Variants in PLCG2 observed in about 807,000 individuals in gnomAD.
PLCG2 encodes 1-phosphatidylinositol 4,5-bisphosphate phosphodiesterase gamma-2.
In PLCG2, 69 loss-of-function variants were observed where a neutral mutation model predicts 175.6. The observed-to-expected ratio is 0.39, with a 90% CI of 0.32 to 0.48. The LOEUF is 0.48. PLCG2 is among the 20% of genes least tolerant of loss of function. PLCG2 has a pLI of 0.91. For synonymous variants in PLCG2, 827 were observed against 624.0 expected (o/e 1.33, Z -4.85); for missense variants, 1,798 against 1,650.9 (o/e 1.09, Z -1.54).
intron 2 of PLCG2, among the ~76,000 whole-genome samples, chr16:81,827,096 T>G (rs1905078342): frequency 6.6e-6 from 1 of 152,182 alleles, no homozygotes; most frequent in African/African-American, 2.4e-5. Flanking sequence ...ATGTCCTTGT[T>G]GACCTTGCGC....
chr16:81,846,899 T>TC (rs894383202), intron 2 of PLCG2, among the ~76,000 whole-genome samples: 5 of 152,148 alleles, frequency 3.3e-5, no homozygotes, highest in Non-Finnish European at 7.3e-5. Context: ...TGTATGGTTT[T>TC]CCCCCCACGC....
intron 2 of PLCG2, among the ~76,000 whole-genome samples, chr16:81,786,469 C>G (rs1193128553): frequency 1.3e-5 from 2 of 152,200 alleles, no homozygotes; most frequent in African/African-American, 2.4e-5. Context: ...TGTGCCCTGT[C>G]TGACAGCATC....
At chr16:81,752,045 T>A (rs1909822748) in intron 1 of PLCG2, among the ~76,000 whole-genome samples, 1 of 150,988 alleles carries the variant, frequency 6.6e-6, no homozygotes, top group Non-Finnish European at 1.5e-5. Flanking sequence ...AAAAAAAATA[T>A]AATATATGTA....
At chr16:81,947,829 G>A (rs908090082) in intron 31 of PLCG2, among the ~76,000 whole-genome samples, 1 of 152,184 alleles carries the variant, frequency 6.6e-6, no homozygotes, top group Admixed American at 6.5e-5. Flanking sequence ...TAAGATGTAA[G>A]AAAGGTGGGG....
Position 81,816,651 on chromosome 16 carries a change from A to ACTTTTTTTTTTTTTTTTTTTTTTTTT in PLCG2, c.193+30469_193+30470insCTTTTTTTTTTTTTTTTTTTTTTTTT, listed in dbSNP as rs1555509092. ...GCACCACCATGCCCAGCTAATTTTA[A>ACTTTTTTTTTTTTTTTTTTTTTTTTT]TTTTTTTTTTTTTTTTTTTTTTTTT... On this transcript the variant is annotated intron_variant, in intron 2 of 32. Transcript: ENST00000564138. 1.8e-5 allele frequency among the ~76,000 whole-genome samples: 2 copies of ACTTTTTTTTTTTTTTTTTTTTTTTTT among 108,858 alleles called. 1 individual carries two copies. 71.4% of individuals were successfully genotyped at this position (108,858 alleles called of 152,430 possible).
chr16:81,796,731 G>C (rs79369548), intron 2 of PLCG2, among the ~76,000 whole-genome samples: 2 of 152,214 alleles, frequency 1.3e-5, no homozygotes, highest in Non-Finnish European at 2.9e-5. Context: ...TGTGAAGACA[G>C]ATACAGAAAT....
intron 2 of PLCG2, among the ~76,000 whole-genome samples, chr16:81,832,056 C>T (rs1156282663): frequency 6.6e-6 from 1 of 151,998 alleles, no homozygotes; most frequent in South Asian, 2.1e-4. Flanking sequence ...CAGTTACCAG[C>T]AGTGGGCTTT....
chr16:81,745,262 T>C (rs1909681722), intron 1 of PLCG2, among the ~76,000 whole-genome samples: 1 of 152,164 alleles, frequency 6.6e-6, no homozygotes, highest in African/African-American at 2.4e-5. Flanking sequence ...GCATATGACC[T>C]AGTGCTGACC....
chr16:81,836,886 C>T (rs1905545420), intron 2 of PLCG2, among the ~76,000 whole-genome samples: 2 of 152,222 alleles, frequency 1.3e-5, no homozygotes, highest in Admixed American at 1.3e-4. Context: ...CATGAGTGCA[C>T]AGGTGTCAGG....
At chr16:81,848,714 C>T (rs1906250169) in intron 2 of PLCG2, among the ~76,000 whole-genome samples, 1 of 152,174 alleles carries the variant, frequency 6.6e-6, no homozygotes. Flanking sequence ...TTATTGGGCC[C>T]CGCTGTGTGC....
At chr16:81,818,553 C>T (rs1904653172) in intron 2 of PLCG2, among the ~76,000 whole-genome samples, 1 of 152,112 alleles carries the variant, frequency 6.6e-6, no homozygotes, top group African/African-American at 2.4e-5. Flanking sequence ...GCTCCGAAGG[C>T]CTGAGCTTCA....
At chr16:81,773,858 T>C (rs963087983) in intron 2 of PLCG2, among the ~76,000 whole-genome samples, 1 of 152,124 alleles carries the variant, frequency 6.6e-6, no homozygotes, top group African/African-American at 2.4e-5. Context: ...CAGCTCTGTC[T>C]CACTCCAAAG....
chr16:81,868,960 C>T (rs569664716), intron 5 of PLCG2, among the ~76,000 whole-genome samples: 1 of 152,220 alleles, frequency 6.6e-6, no homozygotes, highest in African/African-American at 2.4e-5. Context: ...GAGACCAGCC[C>T]TCCTTATTGG....
At chr16:81,934,800 A>C (rs1384816541) in intron 26 of PLCG2, among the ~76,000 whole-genome samples, 2 of 150,792 alleles carry the variant, frequency 1.3e-5, no homozygotes, top group African/African-American at 4.9e-5. Context: ...TCACAGTTCC[A>C]CGTGGAGGAG....
upstream of PLCG2, among the ~76,000 whole-genome samples, chr16:81,774,588 A>T (rs1454787900): frequency 6.6e-6 from 1 of 151,606 alleles, no homozygotes; most frequent in African/African-American, 2.4e-5. Flanking sequence ...CAAGGGCTCC[A>T]GGGGGTTTTC....
chr16:81,893,680 C>T (rs770807420), intron 11 of PLCG2, 29 bp from the exon 12 acceptor site: 84 of 1,487,076 alleles, frequency 5.6e-5, no homozygotes, highest in East Asian at 5.4e-4. Flanking sequence ...CTGCCACTCT[C>T]ACACGGCCAC....
rs77428584 is a variant in PLCG2, at chr16:81,828,685, G to A, written c.194-25759G>A. The stretch of plus-strand genomic sequence containing the variant: ...CAACCTTAAGCAAGTTATAAAAGTC[G>A]TCTGAGACTCAGTTTCCTCATATAG... On this transcript the variant is annotated intron_variant, in intron 2 of 32. Coordinates refer to ENST00000564138, the MANE Select transcript of PLCG2 (RefSeq NM_002661.5). Among the ~76,000 whole-genome samples, 67 of 152,254 alleles carry A rather than the reference G, an allele frequency of 4.4e-4. 1 individual carries two copies. In the East Asian group the frequency reaches 0.01, roughly 24 times the overall value.
intron 7 of PLCG2, among the ~76,000 whole-genome samples, chr16:81,878,812 C>G (rs1226666937): frequency 1.3e-5 from 2 of 152,344 alleles, no homozygotes; most frequent in East Asian, 3.9e-4. Flanking sequence ...TATCTTGCCT[C>G]TCACTGTTGG....
At chr16:81,905,970 T>G (rs1909352688) in intron 15 of PLCG2, among the ~76,000 whole-genome samples, 1 of 152,200 alleles carries the variant, frequency 6.6e-6, no homozygotes, top group African/African-American at 2.4e-5. Context: ...AACTTTATTT[T>G]CCTTTTGCAT....
Sources: allele counts gnomAD v4.1 joint callset (sites outside exome capture counted in the v4.1 genomes callset), GRCh38; gene constraint gnomAD v4.1.1; transcripts MANE v1.5; gene names NCBI Gene and HGNC (gene_info 2026-07-23, HGNC 2026-07-21).